The following CADM2 variants were observed in gnomAD, a reference collection of about 807,000 sequenced individuals.
CADM2 encodes the protein cell adhesion molecule 2, also known as immunoglobulin superfamily member 4D.
CADM2 carries 12 observed loss-of-function variants against 49.8 expected under a neutral mutation model. That is an observed-to-expected ratio of 0.24 (90% CI 0.15 to 0.39). CADM2 has a LOEUF of 0.39. Among genes scored for constraint, CADM2 ranks in the 10% least tolerant of loss-of-function variants. The pLI is 1.00. For synonymous variants in CADM2, 214 were observed against 175.4 expected (o/e 1.22, Z -1.74); for missense variants, 378 against 492.3 (o/e 0.77, Z 2.20).
intron 5 of CADM2, among the ~76,000 whole-genome samples, chr3:85,897,547 G>A (rs2108438852): frequency 6.6e-6 from 1 of 151,848 alleles, no homozygotes; most frequent in Admixed American, 6.6e-5. Context: ...GGGATTACAG[G>A]CGTGAGCCAC....
intron 3 of CADM2, among the ~76,000 whole-genome samples, chr3:85,839,582 T>C (rs1423733320): frequency 6.6e-6 from 1 of 151,864 alleles, no homozygotes; most frequent in Non-Finnish European, 1.5e-5. Flanking sequence ...GGTGTACTTC[T>C]TACCTCAGGC....
In CADM2 at chr3:86,013,924, GT is replaced by G. The variant is rs963870940; in HGVS notation, c.971-51680del. ...GCTATCTACACACTCTGAACTTCCT[GT>G]GCCTTAAATATGTGGTTGGCAAAAT... On this transcript the variant is annotated intron_variant, in intron 8 of 9. Coordinates refer to ENST00000383699, the MANE Select transcript of CADM2 (RefSeq NM_001167675.2). 6 of 1,587,776 alleles carry G rather than the reference GT, an allele frequency of 3.8e-6. No individual in the cohort carries two copies. The African/African-American group carries it at 8.1e-5, about 21-fold the overall frequency.
chr3:85,107,582 T>G (rs959932512), intron 1 of CADM2, among the ~76,000 whole-genome samples: 8 of 66,862 alleles, frequency 1.2e-4, no homozygotes, highest in African/African-American at 2.4e-4. Flanking sequence ...CTCTCTTTCT[T>G]TCTTTTCTTT....
intron 1 of CADM2, among the ~76,000 whole-genome samples, chr3:85,666,857 G>A (rs2065583991): frequency 6.6e-6 from 1 of 151,928 alleles, no homozygotes; most frequent in Non-Finnish European, 1.5e-5. Flanking sequence ...GTATTTTGGG[G>A]TAGTGTTTCC....
At chr3:84,959,697 C>A (rs1224072106) in intron 1 of CADM2, 29 bp downstream of exon 1, 1 of 1,530,420 alleles carries the variant, frequency 6.5e-7, no homozygotes, top group East Asian at 2.4e-5. Flanking sequence ...CAGGGAACAT[C>A]AACTTCTCGC....
intron 1 of CADM2, among the ~76,000 whole-genome samples, chr3:85,351,872 A>G (rs1368746): frequency 0.91 from 138,403 of 152,042 alleles, 63,562 homozygotes; most frequent in Non-Finnish European, 0.97. Context: ...TGGGTCATTG[A>G]CTTCCTTACA....
chr3:85,799,419 G>C (rs2071849055), intron 2 of CADM2, among the ~76,000 whole-genome samples: 1 of 152,074 alleles, frequency 6.6e-6, no homozygotes, highest in African/African-American at 2.4e-5. Context: ...GCCATAAGTA[G>C]CTCTTATTAT....
intron 1 of CADM2, among the ~76,000 whole-genome samples, chr3:85,652,777 T>TTTTTTTTTTTTTTTTTTG (rs2065087140): frequency 9.1e-6 from 1 of 110,052 alleles, no homozygotes; most frequent in Non-Finnish European, 1.7e-5. Flanking sequence ...CTTTTCTTTT[T>TTTTTTTTTTTTTTTTTTG]TTTTTTTTTT....
chr3:85,029,726 C>G (rs1023392974), intron 1 of CADM2, among the ~76,000 whole-genome samples: 13 of 152,132 alleles, frequency 8.5e-5, no homozygotes, highest in African/African-American at 3.1e-4. Flanking sequence ...CTCTTCAGAT[C>G]CATTCTCAAC....
At chr3:85,955,284 G>GA (rs1206904349) in intron 7 of CADM2, among the ~76,000 whole-genome samples, 1 of 151,050 alleles carries the variant, frequency 6.6e-6, no homozygotes, top group Non-Finnish European at 1.5e-5. Context: ...CTATCTTTAT[G>GA]AAAAAAAGGC....
At chr3:85,448,751 TA>T (rs2037596563) in intron 1 of CADM2, among the ~76,000 whole-genome samples, 1 of 151,878 alleles carries the variant, frequency 6.6e-6, no homozygotes, top group Non-Finnish European at 1.5e-5. Flanking sequence ...CTCCACTTTT[TA>T]AAAATAATAA....
At chr3:85,021,425 G>T in intron 1 of CADM2, among the ~76,000 whole-genome samples, 1 of 151,940 alleles carries the variant, frequency 6.6e-6, no homozygotes, top group East Asian at 1.9e-4. Context: ...AACAAGCCTG[G>T]CTTATTCAAA....
intron 1 of CADM2, among the ~76,000 whole-genome samples, chr3:85,451,632 G>C (rs2037751715): frequency 6.6e-6 from 1 of 152,062 alleles, no homozygotes; most frequent in African/African-American, 2.4e-5. Flanking sequence ...GTCTAACACA[G>C]ACATTCACAT....
intron 1 of CADM2, among the ~76,000 whole-genome samples, chr3:85,283,401 G>T (rs1036375419): frequency 6.6e-6 from 1 of 151,548 alleles, no homozygotes; most frequent in African/African-American, 2.4e-5. Context: ...AGTTATCAAA[G>T]CTGTCATCAT....
chr3:85,536,461 G>T lies in CADM2; in HGVS notation c.62-190061G>T, dbSNP rs72615723. Among the ~76,000 whole-genome samples the T allele has an allele frequency of 1.3e-3, 55 of 42,198 alleles. No homozygotes were observed. In the East Asian group the frequency reaches 0.21, roughly 162 times the overall value. 27.7% of individuals were successfully genotyped at this position (42,198 alleles called of 152,430 possible). ...TTTTGGTACTATTAAATATAGTATT[G>T]TTTTTTTCTTTTTCTTTGTTTTAAA... On this transcript the variant is annotated intron_variant, in intron 1 of 9. Coordinates refer to ENST00000383699, the MANE Select transcript of CADM2 (RefSeq NM_001167675.2).
At chr3:85,126,801 C>A (rs1171932520) in intron 1 of CADM2, among the ~76,000 whole-genome samples, 1 of 152,000 alleles carries the variant, frequency 6.6e-6, no homozygotes, top group Non-Finnish European at 1.5e-5. Context: ...ATTTCATTTA[C>A]CTTATCTTTC....
chr3:85,542,111 T>TG (rs919506098), intron 1 of CADM2, among the ~76,000 whole-genome samples: 1 of 152,044 alleles, frequency 6.6e-6, no homozygotes, highest in Non-Finnish European at 1.5e-5. Context: ...ATCCTTAAGA[T>TG]GCCCTGTGAC....
intron 8 of CADM2, among the ~76,000 whole-genome samples, chr3:85,984,280 G>A (rs1727824829): frequency 6.6e-6 from 1 of 150,798 alleles, no homozygotes; most frequent in Non-Finnish European, 1.5e-5. Context: ...ATAATTCCAA[G>A]TGACTTTGAT....
At chr3:85,630,807 T>C (rs1161258807) in intron 1 of CADM2, among the ~76,000 whole-genome samples, 2 of 152,024 alleles carry the variant, frequency 1.3e-5, no homozygotes, top group Non-Finnish European at 2.9e-5. Context: ...GTTTTCACCT[T>C]TAATCACATT....
Sources: gnomAD v4.1 joint callset for allele counts (sites outside exome capture counted in the v4.1 genomes callset) on GRCh38, gnomAD v4.1.1 for gene constraint, MANE v1.5 for transcripts, NCBI Gene and HGNC (gene_info 2026-07-23, HGNC 2026-07-21) for gene names.